The following ASPH variants were observed in gnomAD, a reference collection of about 807,000 sequenced individuals.
ASPH encodes the protein aspartate beta-hydroxylase.
A neutral mutation model predicts 118.4 loss-of-function variants in ASPH; 100 were observed. That is an observed-to-expected ratio of 0.84 (90% confidence interval 0.72 to 1.00). The LOEUF (loss-of-function observed/expected upper bound fraction) is 1.00. Among genes scored for constraint, ASPH ranks in the 50% least tolerant of loss-of-function variants. The pLI, the probability that ASPH is intolerant of heterozygous loss-of-function variation, is 0.00. For synonymous variants in ASPH, 315 were observed against 325.6 expected, an observed-to-expected ratio of 0.97 and a Z score of 0.35; for missense variants, 920 against 919.5, an observed-to-expected ratio of 1.00 and a Z score of -0.01.
intron 3 of ASPH, chr8:61,656,122 CA>C (rs1424071780): frequency 6.6e-6 from 1 of 152,050 alleles, no homozygotes; most frequent in Non-Finnish European, 1.5e-5. Context: ...TCAATTCAGT[CA>C]TAGGAAAGGT....
chr8:61,677,897 T>C lies in ASPH; in HGVS notation c.322+3071A>G, dbSNP rs374129623. ...GACAGATGACCATATGCAACGAATA[T>C]GCAAAAGCATTTGAACAAAACTGTT... is the stretch of plus-strand genomic sequence containing the variant. On this transcript the variant is annotated intron_variant, in intron 3 of 24. Coordinates refer to ENST00000379454, the MANE Select transcript of ASPH (RefSeq NM_004318.4). Among the ~76,000 whole-genome samples the C allele has an allele frequency of 1.7e-3, 258 of 152,280 alleles. 2 individuals carry two copies. The highest frequency in any genetic ancestry group is 3.4e-3 in the Middle Eastern group (1 of 294).
In ASPH at chr8:61,638,454, T is replaced by C. The variant is rs886383998; in HGVS notation, c.791-91A>G. 11 of 1,127,166 alleles carry C rather than the reference T, an allele frequency of 9.8e-6. No homozygotes were observed. The Admixed American group carries it at 1.5e-4, about 16-fold the overall frequency. 69.8% of individuals were successfully genotyped at this position (1,127,166 alleles called of 1,614,324 possible). A position where few individuals can be genotyped will look rare whatever the true frequency, so the allele number is the denominator to read the frequency against. ...CTTTAAGGGCAGAGACAATGCCTTATGCATCTTTGAACCTGCAAGGTTCAG... is the reference window on the plus strand; with the variant it reads ...CTTTAAGGGCAGAGACAATGCCTTACGCATCTTTGAACCTGCAAGGTTCAG... On this transcript the variant is annotated intron_variant, in intron 10 of 24. Transcript: ENST00000379454.
At position 61,500,956 on chromosome 8, in the gene ASPH, C is replaced by CAATGGATCTAATGTTTTAATT. The variant is rs1228150845; in HGVS notation, c.*2382_*2402dup. The CAATGGATCTAATGTTTTAATT allele has an allele frequency of 6.6e-6, 1 of 152,074 alleles. No homozygotes were observed. The highest frequency in any genetic ancestry group is 2.4e-5 in the African/African-American group (1 of 41,418). The allele number at this position is 152,074 out of a possible 1,614,324, so 9.4% of individuals were successfully genotyped here. On this transcript the variant is annotated 3_prime_UTR_variant, in exon 25 of 25. Coordinates refer to ENST00000379454, the MANE Select transcript of ASPH (RefSeq NM_004318.4). ...ATTATTTATTACATCATCTCTTTCT[C>CAATGGATCTAATGTTTTAATT]AATGGATCTAATGTTTTAATTTTTT...
chr8:61,578,803 T>A, intron 15 of ASPH: 2 of 1,600,796 alleles, frequency 1.2e-6, no homozygotes, highest in Non-Finnish European at 1.7e-6. Flanking sequence ...GAATTTGTCC[T>A]CATCAAGAAG....
At chr8:61,690,412 G>A (rs1238303002) in intron 1 of ASPH, among the ~76,000 whole-genome samples, 1 of 152,062 alleles carries the variant, frequency 6.6e-6, no homozygotes, top group Non-Finnish European at 1.5e-5. Context: ...GGTGAGGAGA[G>A]GGAAAGAAAA....
chr8:61,644,255 G>A (rs950804414), intron 7 of ASPH, among the ~76,000 whole-genome samples: 4 of 152,182 alleles, frequency 2.6e-5, no homozygotes, highest in Non-Finnish European at 4.4e-5. Flanking sequence ...CAGATGATGC[G>A]CCCACCTCCT....
At chr8:61,655,985 A>C (rs1178858167) in intron 3 of ASPH, 1 of 152,206 alleles carries the variant, frequency 6.6e-6, no homozygotes, top group Admixed American at 6.5e-5. Context: ...CATATGGAAG[A>C]ATTTGCCGTA....
chr8:61,563,597 T>C (rs142869583), intron 17 of ASPH, among the ~76,000 whole-genome samples: 26 of 152,286 alleles, frequency 1.7e-4, no homozygotes, highest in African/African-American at 4.6e-4. Context: ...GTGATGGGAG[T>C]GTCAGTACGC....
At chr8:61,593,750 C>G (rs538417384) in intron 14 of ASPH, among the ~76,000 whole-genome samples, 2 of 152,236 alleles carry the variant, frequency 1.3e-5, no homozygotes, top group African/African-American at 4.8e-5. Context: ...TTTAGAGATG[C>G]TAAGTGATGT....
Position 61,597,170 on chromosome 8 carries a change from T to C in ASPH, c.977-13141A>G, listed in dbSNP as rs750094912. On this transcript the variant is annotated intron_variant, in intron 14 of 24. Coordinates refer to ENST00000379454, the MANE Select transcript of ASPH (RefSeq NM_004318.4). ...AAGGAAAAATTTCAGAACCAGAAGA[T>C]AGATCACTTGAAATAATCCAGTCAG... Among the ~76,000 whole-genome samples the C allele has an allele frequency of 6.7e-5, 7 of 104,454 alleles. No individual in the cohort carries two copies. In the South Asian group the frequency reaches 8.4e-4, roughly 13 times the overall value. 68.5% of individuals were successfully genotyped at this position (104,454 alleles called of 152,430 possible). A position where few individuals can be genotyped will look rare whatever the true frequency, so the allele number is the denominator to read the frequency against.
chr8:61,584,508 G>T (rs1838658663), intron 14 of ASPH, among the ~76,000 whole-genome samples: 1 of 152,154 alleles, frequency 6.6e-6, no homozygotes, highest in Admixed American at 6.5e-5. Flanking sequence ...TCCTTCCAGT[G>T]CATCCTGGAC....
intron 18 of ASPH, among the ~76,000 whole-genome samples, chr8:61,561,301 G>A (rs1425220171): frequency 1.3e-5 from 2 of 152,270 alleles, no homozygotes; most frequent in East Asian, 1.9e-4. Context: ...AGGGCATTGA[G>A]TGTTATGTGT....
chr8:61,647,283 GC>G (rs1385604072), intron 5 of ASPH, among the ~76,000 whole-genome samples: 2 of 152,118 alleles, frequency 1.3e-5, no homozygotes, highest in Non-Finnish European at 2.9e-5. Flanking sequence ...CTACTCTATG[GC>G]CTTTTCCTGG....
chr8:61,708,033 T>C (rs1410289410), intron 1 of ASPH, among the ~76,000 whole-genome samples: 1 of 152,174 alleles, frequency 6.6e-6, no homozygotes, highest in Non-Finnish European at 1.5e-5. Flanking sequence ...TTTATGATAA[T>C]GACTACCATA....
chr8:61,506,815 T>C (rs1806760021), intron 24 of ASPH, among the ~76,000 whole-genome samples: 1 of 152,178 alleles, frequency 6.6e-6, no homozygotes, highest in African/African-American at 2.4e-5. Context: ...TTATCAAAAA[T>C]GACATATGCA....
intron 21 of ASPH, among the ~76,000 whole-genome samples, chr8:61,528,535 A>G (rs981353847): frequency 6.6e-6 from 1 of 152,118 alleles, no homozygotes; most frequent in Non-Finnish European, 1.5e-5. Context: ...TTCCCTCCTG[A>G]TATTTTAGAA....
At position 61,712,871 on chromosome 8, in the gene ASPH, G is replaced by C. The variant is rs191874097; in HGVS notation, c.103+1398C>G. ...CATGCTTCTCTGGCAAATAGCTACAGAAACCTTTTGAAAACAACTAACATT... is the reference window on the plus strand; with the variant it reads ...CATGCTTCTCTGGCAAATAGCTACACAAACCTTTTGAAAACAACTAACATT... On this transcript the variant is annotated intron_variant, in intron 1 of 24. Transcript: ENST00000379454. Among the ~76,000 whole-genome samples the C allele has an allele frequency of 3.9e-5, 6 of 152,296 alleles. No individual in the cohort carries two copies. The East Asian group carries it at 1.2e-3, about 29-fold the overall frequency.
At position 61,503,266 on chromosome 8, in the gene ASPH, T is replaced by C. The variant is rs1563607340; in HGVS notation, c.*93A>G. The C allele has an allele frequency of 2.8e-6, 4 of 1,416,718 alleles. No homozygotes were observed. The highest frequency in any genetic ancestry group is 1.5e-5 in the African/African-American group (1 of 65,060). The allele number at this position is 1,416,718 out of a possible 1,614,324, so 87.8% of individuals were successfully genotyped here. A position where few individuals can be genotyped will look rare whatever the true frequency, so the allele number is the denominator to read the frequency against. On this transcript the variant is annotated 3_prime_UTR_variant, in exon 25 of 25. Transcript: ENST00000379454. ...CGGGCTGCAAGTCAAGGGAATTGAC[T>C]CTTGGTGTTCGAAATTCTATCCTCA...
At chr8:61,538,237 T>TA (rs1820401073) in intron 21 of ASPH, among the ~76,000 whole-genome samples, 1 of 152,212 alleles carries the variant, frequency 6.6e-6, no homozygotes, top group Admixed American at 6.5e-5. Flanking sequence ...GGAGCCCTTT[T>TA]AAAAAGTTCA....
Sources: allele counts gnomAD v4.1 joint callset (sites outside exome capture counted in the v4.1 genomes callset), GRCh38; gene constraint gnomAD v4.1.1; transcripts MANE v1.5; gene names NCBI Gene and HGNC (gene_info 2026-07-23, HGNC 2026-07-21).